The following ADAMTSL1 variants were observed in gnomAD, a reference collection of about 807,000 sequenced individuals.
ADAMTSL1 encodes ADAMTS-like protein 1.
A neutral mutation model predicts 201.8 loss-of-function variants in ADAMTSL1; 126 were observed. The observed-to-expected ratio is 0.62, with a 90% confidence interval of 0.54 to 0.72. The LOEUF (loss-of-function observed/expected upper bound fraction) is 0.72, where lower values mean the gene tolerates loss of function less well. ADAMTSL1 is among the 30% of genes least tolerant of loss of function. The pLI is 0.00. For missense variants in ADAMTSL1, 2,679 were observed against 2,277.8 expected (o/e 1.18, Z -3.59); for synonymous variants, 1,121 against 903.4 (o/e 1.24, Z -4.32).
intron 2 of ADAMTSL1, among the ~76,000 whole-genome samples, chr9:18,235,459 C>T (rs1587368616): frequency 6.6e-6 from 1 of 152,138 alleles, no homozygotes; most frequent in African/African-American, 2.4e-5. Flanking sequence ...CTACTTCCAC[C>T]CTCCCATGGA....
intron 17 of ADAMTSL1, among the ~76,000 whole-genome samples, chr9:18,774,963 G>T (rs1394365475): frequency 6.6e-6 from 1 of 152,022 alleles, no homozygotes; most frequent in Non-Finnish European, 1.5e-5. Context: ...CTACCAATCT[G>T]TTTTCTAAAG....
chr9:18,141,472 T>C (rs546235717), intron 1 of ADAMTSL1, among the ~76,000 whole-genome samples: 94 of 152,184 alleles, frequency 6.2e-4, no homozygotes, highest in African/African-American at 2.2e-3. Flanking sequence ...GTTAAAGCAG[T>C]TGAAACAAAC....
chr9:18,517,072 A>G (rs191915245), intron 2 of ADAMTSL1, among the ~76,000 whole-genome samples: 2 of 152,194 alleles, frequency 1.3e-5, no homozygotes, highest in African/African-American at 4.8e-5. Context: ...CAAGGGGAAG[A>G]TGGAAAAGTT....
At chr9:17,919,468 T>A (rs1189537919) in intron 1 of ADAMTSL1, among the ~76,000 whole-genome samples, 1 of 152,022 alleles carries the variant, frequency 6.6e-6, no homozygotes. Context: ...GTACCCTTTA[T>A]ATCACCCCCT....
At chr9:17,917,483 T>C (rs1826141214) in intron 1 of ADAMTSL1, among the ~76,000 whole-genome samples, 1 of 152,082 alleles carries the variant, frequency 6.6e-6, no homozygotes, top group African/African-American at 2.4e-5. Context: ...TAGTTTAATA[T>C]AGTGAGTTAC....
At chr9:18,246,918 C>T (rs1433186539) in intron 2 of ADAMTSL1, among the ~76,000 whole-genome samples, 1 of 152,104 alleles carries the variant, frequency 6.6e-6, no homozygotes, top group Non-Finnish European at 1.5e-5. Context: ...AAATGCAAGA[C>T]AATGTATTTA....
At chr9:18,101,846 G>C (rs1343934247) in intron 1 of ADAMTSL1, among the ~76,000 whole-genome samples, 3 of 152,202 alleles carry the variant, frequency 2.0e-5, no homozygotes, top group Non-Finnish European at 4.4e-5. Context: ...TGCATGTCTT[G>C]ACTTTAGATC....
intron 1 of ADAMTSL1, among the ~76,000 whole-genome samples, chr9:18,040,764 T>C (rs1821395731): frequency 6.6e-6 from 1 of 151,288 alleles, no homozygotes; most frequent in African/African-American, 2.4e-5. Context: ...CTAAGTGAAA[T>C]GAAAAAAAAA....
chr9:18,050,331 A>C (rs1025611607), intron 1 of ADAMTSL1, among the ~76,000 whole-genome samples: 1 of 152,208 alleles, frequency 6.6e-6, no homozygotes, highest in Non-Finnish European at 1.5e-5. Flanking sequence ...CTAATAAAAT[A>C]CTTGAGTTTT....
intron 9 of ADAMTSL1, among the ~76,000 whole-genome samples, chr9:18,670,150 T>A (rs994737396): frequency 6.6e-6 from 1 of 152,210 alleles, no homozygotes; most frequent in African/African-American, 2.4e-5. Context: ...CACAATTTTG[T>A]TCATTTTTTA....
At chr9:18,341,590 G>A (rs1034231434) in intron 2 of ADAMTSL1, among the ~76,000 whole-genome samples, 2 of 151,994 alleles carry the variant, frequency 1.3e-5, no homozygotes, top group African/African-American at 4.8e-5. Flanking sequence ...ATAATTGCTG[G>A]CACTGTGCTT....
At chr9:18,272,175 C>G (rs952285615) in intron 2 of ADAMTSL1, among the ~76,000 whole-genome samples, 3 of 152,082 alleles carry the variant, frequency 2.0e-5, no homozygotes, top group Non-Finnish European at 4.4e-5. Flanking sequence ...AAGCTCAAAG[C>G]TGGAGGCATC....
At chr9:18,818,873 C>G (rs1449174969) in intron 21 of ADAMTSL1, among the ~76,000 whole-genome samples, 1 of 152,110 alleles carries the variant, frequency 6.6e-6, no homozygotes, top group Admixed American at 6.5e-5. Flanking sequence ...TTCTCATGGC[C>G]TTTGTGATGT....
intron 2 of ADAMTSL1, among the ~76,000 whole-genome samples, chr9:18,233,458 A>G (rs1830719466): frequency 6.6e-6 from 1 of 152,194 alleles, no homozygotes; most frequent in African/African-American, 2.4e-5. Context: ...GGTGCATTTC[A>G]CAAGAATCAA....
chr9:18,498,537 C>T (rs1421447461), intron 1 of ADAMTSL1, among the ~76,000 whole-genome samples: 1 of 152,052 alleles, frequency 6.6e-6, no homozygotes, highest in Non-Finnish European at 1.5e-5. Context: ...GGGGTTTAAC[C>T]ATGTTGGTCA....
At chr9:18,613,364 A>G (rs1190588892) in intron 4 of ADAMTSL1, among the ~76,000 whole-genome samples, 1 of 152,246 alleles carries the variant, frequency 6.6e-6, no homozygotes, top group Non-Finnish European at 1.5e-5. Flanking sequence ...ATTCCTGGGT[A>G]TATACCCAAA....
chr9:18,891,281 CTCTT>C (rs1287487158), intron 25 of ADAMTSL1, among the ~76,000 whole-genome samples: 1 of 152,236 alleles, frequency 6.6e-6, no homozygotes, highest in East Asian at 1.9e-4. Flanking sequence ...CCCTGGTTGT[CTCTT>C]TGAGATACAA....
chr9:18,154,092 T>A (rs1182302431), intron 1 of ADAMTSL1, among the ~76,000 whole-genome samples: 1 of 152,016 alleles, frequency 6.6e-6, no homozygotes, highest in African/African-American at 2.4e-5. Flanking sequence ...AAAATCCCAT[T>A]TTTCAACAAA....
In ADAMTSL1 at chr9:17,911,126, C is replaced by G. The variant is rs1825893245; in HGVS notation, c.87+4204C>G. ...TTGGAAATCTAAAGATTTCTTTCTT[C>G]TCACTGAATTTCTGCTTTCAGGGGT... On this transcript the variant is annotated intron_variant, in intron 1 of 29. Transcript: ENST00000680146. Among the ~76,000 whole-genome samples, 2 of 68,982 alleles carry G rather than the reference C, an allele frequency of 2.9e-5. 1 individual carries two copies. The highest frequency in any genetic ancestry group is 5.8e-5 in the African/African-American group (2 of 34,194). 45.3% of individuals were successfully genotyped at this position (68,982 alleles called of 152,430 possible). A position where few individuals can be genotyped will look rare whatever the true frequency, so the allele number is the denominator to read the frequency against.
Sources: gnomAD v4.1 joint callset for allele counts (sites outside exome capture counted in the v4.1 genomes callset) on GRCh38, gnomAD v4.1.1 for gene constraint, MANE v1.5 for transcripts, NCBI Gene and HGNC (gene_info 2026-07-23, HGNC 2026-07-21) for gene names.